Variants in KSR1 observed in about 807,000 individuals in gnomAD.
The protein encoded by KSR1 is kinase suppressor of ras 1, also known as kinase suppressor of ras.
In KSR1, 35 loss-of-function variants were observed where a neutral mutation model predicts 92.9. That is an observed-to-expected ratio of 0.38 (90% CI 0.29 to 0.50). The LOEUF (loss-of-function observed/expected upper bound fraction) is 0.50. Ranked by LOEUF, KSR1 falls within the 20% of genes least tolerant of loss-of-function variation. The pLI is 0.94. For synonymous variants in KSR1, 467 were observed against 472.6 expected, an observed-to-expected ratio of 0.99 and a Z score of 0.15; for missense variants, 972 against 1,158.5, an observed-to-expected ratio of 0.84 and a Z score of 2.34.
At chr17:27,503,366 C>T (rs1300828152) in intron 1 of KSR1, among the ~76,000 whole-genome samples, 1 of 152,146 alleles carries the variant, frequency 6.6e-6, no homozygotes, top group Non-Finnish European at 1.5e-5. Flanking sequence ...CCTCCTGCAA[C>T]AAAGAATTAT....
At chr17:27,603,268 A>G (rs1355229707) in intron 11 of KSR1, among the ~76,000 whole-genome samples, 1 of 152,166 alleles carries the variant, frequency 6.6e-6, no homozygotes, top group Admixed American at 6.5e-5. Context: ...GAGCTGCTCC[A>G]CCAGTGACCC....
chr17:27,586,001 A>C, intron 5 of KSR1: 1 of 366,906 alleles, frequency 2.7e-6, no homozygotes, highest in Non-Finnish European at 5.0e-6. Context: ...TGCCACGGTA[A>C]AGCAGCACCC....
intron 1 of KSR1, among the ~76,000 whole-genome samples, chr17:27,477,370 A>G (rs964205005): frequency 6.6e-6 from 1 of 152,000 alleles, no homozygotes; most frequent in Non-Finnish European, 1.5e-5. Context: ...TGCCTCTGAC[A>G]CCTCTAGCTG....
chr17:27,547,121 C>A (rs964160579), intron 1 of KSR1, among the ~76,000 whole-genome samples: 2 of 152,198 alleles, frequency 1.3e-5, no homozygotes, highest in East Asian at 3.8e-4. Context: ...CTGAAGGGAG[C>A]AGGGGCCATG....
intron 1 of KSR1, among the ~76,000 whole-genome samples, chr17:27,468,553 G>A (rs2150915807): frequency 6.6e-6 from 1 of 152,268 alleles, no homozygotes; most frequent in South Asian, 2.1e-4. Context: ...AGTGATCTAG[G>A]GTATTTATGC....
chr17:27,577,876 C>A lies in KSR1; in HGVS notation c.520+237C>A, dbSNP rs1043951903. 3.0e-6 allele frequency: 2 copies of A among 660,228 alleles called. No individual in the cohort carries two copies. Among genetic ancestry groups the A allele is most frequent in the African/African-American group, 3.6e-5 (2 of 56,064 alleles). The allele number at this position is 660,228 out of a possible 1,614,324, so 40.9% of individuals were successfully genotyped here. On this transcript the variant is annotated intron_variant, in intron 3 of 20. Transcript: ENST00000644974. The surrounding 1 kb of genome is among the most constrained non-coding windows in gnomAD (Gnocchi z 4.5). ...AGGGGTTTCAGCCATGGTTAGAAAT[C>A]CCAGGCCTGTCTGCTGGGCTGGGCT...
At chr17:27,460,162 A>G (rs1331030170) in intron 1 of KSR1, among the ~76,000 whole-genome samples, 1 of 152,092 alleles carries the variant, frequency 6.6e-6, no homozygotes, top group Non-Finnish European at 1.5e-5. Context: ...GCAAACGGGA[A>G]TGTTCTTATG....
intron 20 of KSR1, chr17:27,622,237 G>A (rs1382172241): frequency 2.2e-5 from 10 of 455,142 alleles, no homozygotes; most frequent in East Asian, 4.5e-5. Context: ...GATTGCTCCC[G>A]TGTTCTTCTG....
At chr17:27,526,098 C>CTT (rs1567792996) in intron 1 of KSR1, among the ~76,000 whole-genome samples, 489 of 14,236 alleles carry the variant, frequency 0.034, 6 homozygotes, top group South Asian at 0.099. Flanking sequence ...CTTTCTTTCT[C>CTT]TCTCTCTCTC....
chr17:27,492,309 G>A lies in KSR1; in HGVS notation c.231+35435G>A, dbSNP rs145035698. On this transcript the variant is annotated intron_variant, in intron 1 of 20. Transcript: ENST00000644974. ...TTGACCTTGCTTTCCCGTCAGACTTGGGAGGGAGGAAGGCAGGAGTCTCCT... is the reference window on the plus strand; with the variant it reads ...TTGACCTTGCTTTCCCGTCAGACTTAGGAGGGAGGAAGGCAGGAGTCTCCT... 1.2e-4 allele frequency among the ~76,000 whole-genome samples: 18 copies of A among 152,312 alleles called. 1 individual carries two copies. Among genetic ancestry groups the A allele is most frequent in the South Asian group, 6.2e-4 (3 of 4,822 alleles).
chr17:27,586,625 C>T (rs1256497757), intron 5 of KSR1, among the ~76,000 whole-genome samples: 2 of 152,176 alleles, frequency 1.3e-5, no homozygotes, highest in East Asian at 3.9e-4. Flanking sequence ...TAGGACAGCC[C>T]CAGCCTTGTC....
chr17:27,470,696 A>G lies in KSR1; in HGVS notation c.231+13822A>G, dbSNP rs534231480. Among the ~76,000 whole-genome samples, 32 of 152,184 alleles carry G rather than the reference A, an allele frequency of 2.1e-4. No homozygotes were observed. In the South Asian group the frequency reaches 2.3e-3, roughly 11 times the overall value. ...TAGCCCCTCCATTTAACTCCTGTTG[A>G]ATGATAGCTGTTTTAAAAATTGTAC... On this transcript the variant is annotated intron_variant, in intron 1 of 20. Transcript: ENST00000644974.
Position 27,527,992 on chromosome 17 carries a change from T to C in KSR1, c.232-22576T>C, listed in dbSNP as rs550580982. On this transcript the variant is annotated intron_variant, in intron 1 of 20. Coordinates refer to ENST00000644974, the MANE Select transcript of KSR1 (RefSeq NM_001394583.1). ...GGGTCATCCAGGATGGAATTTGTTT[T>C]ATTGGTCAGTAGAAAAGGCTATGAC... 5.3e-5 allele frequency among the ~76,000 whole-genome samples: 8 copies of C among 152,364 alleles called. No homozygotes were observed. The South Asian group carries it at 1.0e-3, about 20-fold the overall frequency.
At position 27,605,621 on chromosome 17, in the gene KSR1, G is replaced by C. The variant is rs749019786; in HGVS notation, c.1802G>C (p.Arg601Pro). ...VELGEPIGQG[R>P]WGRVHRGRWH... ...CTGGGCGAGCCCATCGGGCAGGGCC[G>C]CTGGGGCCGGGTGCACCGCGGCCGC... is the stretch of plus-strand genomic sequence containing the variant. Residue 601 changes from arginine to proline, a missense_variant, in exon 14 of 21, where the codon CGC becomes CCC. Physicochemically the swap from Arg to Pro is moderately radical, Grantham distance 103 (BLOSUM62 -2). Coordinates refer to ENST00000644974, the MANE Select transcript of KSR1 (RefSeq NM_001394583.1). 1 of 1,607,278 alleles carries C rather than the reference G, an allele frequency of 6.2e-7. No individual in the cohort carries two copies. Among genetic ancestry groups the C allele is most frequent in the Admixed American group, 1.7e-5 (1 of 59,202 alleles).
At chr17:27,458,657 G>T (rs2019294104) in intron 1 of KSR1, among the ~76,000 whole-genome samples, 1 of 152,166 alleles carries the variant, frequency 6.6e-6, no homozygotes, top group Non-Finnish European at 1.5e-5. Flanking sequence ...GATCATCCCT[G>T]GCAGCAGAGA....
At position 27,623,704 on chromosome 17, in the gene KSR1, A is replaced by G. The variant is rs1276032900; in HGVS notation, c.*312A>G. On this transcript the variant is annotated 3_prime_UTR_variant, in exon 21 of 21. Coordinates refer to ENST00000644974, the MANE Select transcript of KSR1 (RefSeq NM_001394583.1). ...AAACAGTCTGTGCAGATGCACTGGC[A>G]CTGACGGCCAGGATGGCGGAAATGG... is the stretch of plus-strand genomic sequence containing the variant. The G allele has an allele frequency of 1.8e-6, 1 of 570,830 alleles. No individual in the cohort carries two copies. The highest frequency in any genetic ancestry group is 3.0e-6 in the Non-Finnish European group (1 of 328,746). The allele number at this position is 570,830 out of a possible 1,614,324, so 35.4% of individuals were successfully genotyped here.
intron 6 of KSR1, among the ~76,000 whole-genome samples, chr17:27,590,021 A>G (rs149132463): frequency 6.6e-6 from 1 of 152,334 alleles, no homozygotes; most frequent in Non-Finnish European, 1.5e-5. Context: ...TGGAGATACA[A>G]TTTATGTAGA....
intron 1 of KSR1, among the ~76,000 whole-genome samples, chr17:27,457,905 A>C (rs1597810774): frequency 5.2e-4 from 55 of 105,370 alleles, no homozygotes; most frequent in South Asian, 8.3e-4. Context: ...CCTCCCCCAA[A>C]CCCTCCCCCC....
chr17:27,504,829 T>G (rs1343375575), intron 1 of KSR1, among the ~76,000 whole-genome samples: 2 of 152,170 alleles, frequency 1.3e-5, no homozygotes, highest in Non-Finnish European at 1.5e-5. Context: ...GAATAATGAT[T>G]TAGTGCCAGG....
Sources: gnomAD v4.1 joint callset for allele counts (sites outside exome capture counted in the v4.1 genomes callset) on GRCh38, gnomAD v4.1.1 for gene constraint, Gnocchi (gnomAD v3.1) non-coding constraint, MANE v1.5 for transcripts, NCBI Gene and HGNC (gene_info 2026-07-23, HGNC 2026-07-21) for gene names.